Variants in DNAH9 observed in about 807,000 individuals in gnomAD.
The protein encoded by DNAH9 is DNAH9 variant protein.
DNAH9 carries 345 observed loss-of-function variants against 471.6 expected under a neutral mutation model. That is an observed-to-expected ratio of 0.73 (90% CI 0.67 to 0.80). The LOEUF (loss-of-function observed/expected upper bound fraction) is 0.80. Among genes scored for constraint, DNAH9 ranks in the 30% least tolerant of loss-of-function variants. The pLI is 0.00. For synonymous variants in DNAH9, 2,093 were observed against 2,123.6 expected, an observed-to-expected ratio of 0.99 and a Z score of 0.40; for missense variants, 5,407 against 5,609.2, an observed-to-expected ratio of 0.96 and a Z score of 1.15.
At chr17:11,713,823 T>C (rs925806524) in intron 26 of DNAH9, among the ~76,000 whole-genome samples, 6 of 152,214 alleles carry the variant, frequency 3.9e-5, no homozygotes, top group Admixed American at 3.9e-4. Context: ...TCTAAATCAC[T>C]CCTAGAATTT....
chr17:11,891,620 C>T (rs539543063), intron 57 of DNAH9, among the ~76,000 whole-genome samples, 157 bp from the exon 58 acceptor site: 1 of 91,424 alleles, frequency 1.1e-5, no homozygotes, highest in African/African-American at 2.8e-5. Context: ...CCACCTTGGC[C>T]TCCCAAAGCA....
At chr17:11,823,672 C>T (rs1364440101) in intron 48 of DNAH9, among the ~76,000 whole-genome samples, 1 of 152,182 alleles carries the variant, frequency 6.6e-6, no homozygotes, top group Non-Finnish European at 1.5e-5. Flanking sequence ...TGGCTCACGC[C>T]TGTAATCCCA....
Position 11,803,379 on chromosome 17 carries a change from G to GGTGT in DNAH9, c.8421-4335_8421-4332dup, listed in dbSNP as rs35385819. Among the ~76,000 whole-genome samples, 242 of 150,530 alleles carry GGTGT rather than the reference G, an allele frequency of 1.6e-3. 1 individual carries two copies. The highest frequency in any genetic ancestry group is 2.1e-3 in the South Asian group (10 of 4,730). ...CTGAGAATCTTACCCATTCTCTAGG[G>GGTGT]GTGTGTGTGTGTGTGTGTGTGCGCT... On this transcript the variant is annotated intron_variant, in intron 43 of 68. Transcript: ENST00000262442.
intron 59 of DNAH9, among the ~76,000 whole-genome samples, chr17:11,896,735 A>G (rs1973228893): frequency 1.3e-5 from 2 of 152,234 alleles, no homozygotes; most frequent in African/African-American, 4.8e-5. Flanking sequence ...CAAAAGAAAT[A>G]TAATGCAAAC....
At chr17:11,720,355 C>T (rs1193800728) in intron 27 of DNAH9, among the ~76,000 whole-genome samples, 1 of 151,902 alleles carries the variant, frequency 6.6e-6, no homozygotes. Context: ...CCCATTAACT[C>T]ATCATTTATA....
At chr17:11,705,734 G>A (rs1263609492) in intron 26 of DNAH9, among the ~76,000 whole-genome samples, 1 of 152,174 alleles carries the variant, frequency 6.6e-6, no homozygotes, top group Non-Finnish European at 1.5e-5. Flanking sequence ...GAGAACTTCA[G>A]TTATTCCCAA....
intron 50 of DNAH9, among the ~76,000 whole-genome samples, chr17:11,866,677 T>G (rs1972067860): frequency 6.6e-6 from 1 of 152,240 alleles, no homozygotes; most frequent in Admixed American, 6.5e-5. Flanking sequence ...CTCCACCCAG[T>G]TGGAGCTTTC....
At chr17:11,805,342 G>T (rs910171655) in intron 43 of DNAH9, among the ~76,000 whole-genome samples, 6 of 151,890 alleles carry the variant, frequency 4.0e-5, no homozygotes, top group Non-Finnish European at 5.9e-5. Flanking sequence ...ACCAAAACCC[G>T]TGTCCAGAGT....
chr17:11,767,944 C>T (rs1009685115), intron 36 of DNAH9, among the ~76,000 whole-genome samples: 1 of 152,104 alleles, frequency 6.6e-6, no homozygotes, highest in Non-Finnish European at 1.5e-5. Context: ...GAGATTGAGG[C>T]ATAGAAAGAA....
chr17:11,793,443 T>C, intron 41 of DNAH9, 60 bp from the exon 42 acceptor site: 1 of 1,516,728 alleles, frequency 6.6e-7, no homozygotes, highest in Non-Finnish European at 9.0e-7. Context: ...GAAGTTTTCC[T>C]AGCTATTGTA....
intron 27 of DNAH9, among the ~76,000 whole-genome samples, chr17:11,724,658 A>G (rs1267664110): frequency 1.3e-5 from 2 of 152,210 alleles, no homozygotes; most frequent in East Asian, 3.9e-4. Flanking sequence ...TCCACTTAGT[A>G]TTTGTGACAC....
In DNAH9 at chr17:11,669,101, A is replaced by G. The variant is rs759729397; in HGVS notation, c.2769A>G (p.Gln923=). The G allele has an allele frequency of 8.1e-6, 13 of 1,613,960 alleles. No individual in the cohort carries two copies. The highest frequency in any genetic ancestry group is 3.3e-4 in the Middle Eastern group (2 of 6,052). ...GACTTACCCCAATATTTGAAGCACA[A>G]CTGAGTCTAGCCATCCCAGAGCTAG... ...KAGLTPIFEA[Q]LSLAIPELVF... The change falls in exon 16 of 69, where the codon CAA becomes CAG. Residue 923 remains glutamine (Q), a synonymous_variant. Transcript: ENST00000262442.
chr17:11,653,082 T>G, intron 14 of DNAH9, 80 bp downstream of exon 14: 1 of 1,463,436 alleles, frequency 6.8e-7, no homozygotes, highest in South Asian at 1.2e-5. Flanking sequence ...AATAAGTGAT[T>G]AGGACAGTCA....
At chr17:11,797,242 C>G (rs566906914) in intron 42 of DNAH9, among the ~76,000 whole-genome samples, 1 of 152,210 alleles carries the variant, frequency 6.6e-6, no homozygotes, top group African/African-American at 2.4e-5. Flanking sequence ...GGGCCACGAT[C>G]CCCTTCATTC....
intron 43 of DNAH9, among the ~76,000 whole-genome samples, chr17:11,806,662 A>C (rs1969695212): frequency 1.9e-5 from 1 of 53,834 alleles, no homozygotes; most frequent in African/African-American, 1.5e-4. Context: ...GGTACAAACA[A>C]TGTATGTACA....
chr17:11,603,813 G>A (rs943878310), intron 1 of DNAH9, among the ~76,000 whole-genome samples: 5 of 152,028 alleles, frequency 3.3e-5, no homozygotes, highest in African/African-American at 1.2e-4. Context: ...ATAAAATAAC[G>A]TGTCAATGTT....
intron 38 of DNAH9, among the ~76,000 whole-genome samples, chr17:11,770,354 TC>T (rs1449829076): frequency 6.6e-6 from 1 of 152,180 alleles, no homozygotes; most frequent in African/African-American, 2.4e-5. Context: ...CTGCTGACAC[TC>T]TGCTTTCCCC....
intron 41 of DNAH9, among the ~76,000 whole-genome samples, chr17:11,791,402 C>A (rs1291037202): frequency 6.6e-6 from 1 of 152,122 alleles, no homozygotes; most frequent in African/African-American, 2.4e-5. Context: ...AAGAAGCAAA[C>A]CTGTATAAAG....
chr17:11,705,324 T>C lies in DNAH9; in HGVS notation c.5552+139T>C, dbSNP rs1308006971. 4.3e-6 allele frequency: 3 copies of C among 691,432 alleles called. No homozygotes were observed. In the African/African-American group the frequency reaches 5.4e-5, roughly 12 times the overall value. The allele number at this position is 691,432 out of a possible 1,614,324, so 42.8% of individuals were successfully genotyped here. ...AAAGGGCCTGACTCAACACAGCCTGTTTAAAGTGAAACTGAAAGGATGTAG... is the reference window on the plus strand; with the variant it reads ...AAAGGGCCTGACTCAACACAGCCTGCTTAAAGTGAAACTGAAAGGATGTAG... On this transcript the variant is annotated intron_variant, in intron 26 of 68. Transcript: ENST00000262442.
Sources: allele counts gnomAD v4.1 joint callset (sites outside exome capture counted in the v4.1 genomes callset), GRCh38; gene constraint gnomAD v4.1.1; transcripts MANE v1.5; gene names NCBI Gene and HGNC (gene_info 2026-07-23, HGNC 2026-07-21).